DYNC2H1: variants seen among roughly 807,000 people sequenced by gnomAD.
DYNC2H1 encodes the protein dynein cytoplasmic 2 heavy chain 1, also known as cytoplasmic dynein 2 heavy chain 1.
In DYNC2H1, 410 loss-of-function variants were observed where a neutral mutation model predicts 570.0. That is an observed-to-expected ratio of 0.72 (90% CI 0.66 to 0.78). The LOEUF (loss-of-function observed/expected upper bound fraction) is 0.78, where lower values mean the gene tolerates loss of function less well. Among genes scored for constraint, DYNC2H1 ranks in the 30% least tolerant of loss-of-function variants. The pLI is 0.00. For missense variants in DYNC2H1, 4,865 were observed against 5,046.4 expected (o/e 0.96, Z 1.09); for synonymous variants, 1,688 against 1,677.6 (o/e 1.01, Z -0.15).
chr11:103,263,097 G>T (rs1251124222), intron 70 of DYNC2H1, among the ~76,000 whole-genome samples: 1 of 135,788 alleles, frequency 7.4e-6, no homozygotes, highest in Non-Finnish European at 1.6e-5. Context: ...AATGAACAAA[G>T]ATCAAAAAAG....
chr11:103,235,974 A>G (rs971693211), intron 62 of DYNC2H1, among the ~76,000 whole-genome samples, 161 bp downstream of exon 62: 16 of 151,868 alleles, frequency 1.1e-4, no homozygotes, highest in Non-Finnish European at 1.5e-4. Flanking sequence ...GCTACTTTAG[A>G]TTTGCTGAAT....
chr11:103,359,783 G>A (rs1940547138), intron 83 of DYNC2H1, among the ~76,000 whole-genome samples: 1 of 151,360 alleles, frequency 6.6e-6, no homozygotes, highest in South Asian at 2.1e-4. Context: ...TCCTGCCTCA[G>A]CCACCCGAGT....
In DYNC2H1 at chr11:103,280,454, A is replaced by G; in HGVS notation, c.10761+41A>G. The G allele has an allele frequency of 6.7e-7, 1 of 1,486,256 alleles. No individual in the cohort carries two copies. The highest frequency in any genetic ancestry group is 1.2e-5 in the South Asian group (1 of 82,506). 92.1% of individuals were successfully genotyped at this position (1,486,256 alleles called of 1,614,324 possible). ...GGAGAGAAATTTTACAGTAACATAGAAATTTGTTAATGGGTGGATTTATGT... is the reference window on the plus strand; with the variant it reads ...GGAGAGAAATTTTACAGTAACATAGGAATTTGTTAATGGGTGGATTTATGT... On this transcript the variant is annotated intron_variant, in intron 71 of 88. Transcript: ENST00000375735. This position sits in a 1 kb window ranked among gnomAD's most constrained non-coding sequence, Gnocchi z 4.7.
At chr11:103,399,623 G>A (rs1312576205) in intron 83 of DYNC2H1, 40 bp from the exon 84 acceptor site, 3 of 1,421,472 alleles carry the variant, frequency 2.1e-6, no homozygotes, top group South Asian at 2.5e-5. Context: ...TCAGTGATCT[G>A]TGTTACTATT....
chr11:103,345,761 T>C (rs1939710845), intron 82 of DYNC2H1, among the ~76,000 whole-genome samples: 2 of 152,120 alleles, frequency 1.3e-5, no homozygotes, highest in African/African-American at 4.8e-5. Flanking sequence ...TAGATTACTC[T>C]GGCAGAGTAT....
chr11:103,240,531 T>TACAA (rs1216821975), intron 63 of DYNC2H1, among the ~76,000 whole-genome samples: 1 of 152,154 alleles, frequency 6.6e-6, no homozygotes, highest in African/African-American at 2.4e-5. Flanking sequence ...TAATGCAAGC[T>TACAA]ACAACCCTGA....
intron 13 of DYNC2H1, among the ~76,000 whole-genome samples, chr11:103,132,668 G>A (rs1859337846): frequency 6.6e-6 from 1 of 151,988 alleles, no homozygotes; most frequent in Non-Finnish European, 1.5e-5. Flanking sequence ...GTGTGTGTGT[G>A]TGTGTGTGAT....
chr11:103,185,246 ATAT>A lies in DYNC2H1; in HGVS notation c.6633+201_6633+203del, dbSNP rs147416471. ...TTGAGTTATTTTATGATGTTTGATA[ATAT>A]TATTAACATTTTATAAAATAATGTT... is the stretch of plus-strand genomic sequence containing the variant. On this transcript the variant is annotated intron_variant, in intron 41 of 88. Coordinates refer to ENST00000375735, the MANE Select transcript of DYNC2H1 (RefSeq NM_001377.3). This position sits in a 1 kb window ranked among gnomAD's most constrained non-coding sequence, Gnocchi z 4.5. 0.017 allele frequency among the ~76,000 whole-genome samples: 2,544 copies of A among 151,910 alleles called. 31 individuals carry two copies. Among genetic ancestry groups the A allele is most frequent in the Non-Finnish European group, 0.023 (1,591 of 67,846 alleles).
At chr11:103,384,015 T>C (rs1291413512) in intron 83 of DYNC2H1, among the ~76,000 whole-genome samples, 1 of 152,224 alleles carries the variant, frequency 6.6e-6, no homozygotes, top group African/African-American at 2.4e-5. Context: ...TATGGTCTTA[T>C]GACAGTAATC....
intron 75 of DYNC2H1, among the ~76,000 whole-genome samples, chr11:103,295,693 A>G (rs566375169): frequency 1.3e-5 from 2 of 152,356 alleles, no homozygotes; most frequent in South Asian, 2.1e-4. Flanking sequence ...GATAACAACC[A>G]TCTGTGCTGA....
At chr11:103,428,280 G>A (rs1943750190) in intron 84 of DYNC2H1, among the ~76,000 whole-genome samples, 1 of 129,642 alleles carries the variant, frequency 7.7e-6, no homozygotes. Flanking sequence ...AAGTAACACT[G>A]AGCAAATATT....
At chr11:103,361,437 A>G (rs1339418711) in intron 83 of DYNC2H1, among the ~76,000 whole-genome samples, 1 of 152,206 alleles carries the variant, frequency 6.6e-6, no homozygotes, top group Non-Finnish European at 1.5e-5. Context: ...TCTGTTGTTT[A>G]TAAGACACCT....
chr11:103,368,101 A>G (rs1427792101), intron 83 of DYNC2H1, among the ~76,000 whole-genome samples: 3 of 152,126 alleles, frequency 2.0e-5, no homozygotes, highest in Non-Finnish European at 4.4e-5. Flanking sequence ...CTTTTATACT[A>G]ATTTCATTTC....
At chr11:103,139,089 T>C (rs1213099684) in intron 17 of DYNC2H1, among the ~76,000 whole-genome samples, 2 of 151,656 alleles carry the variant, frequency 1.3e-5, no homozygotes, top group Non-Finnish European at 3.0e-5. Context: ...TTGCATCTAT[T>C]TGATTCTTCT....
chr11:103,475,311 A>G (rs1295643982), intron 88 of DYNC2H1, among the ~76,000 whole-genome samples: 1 of 152,168 alleles, frequency 6.6e-6, no homozygotes, highest in Non-Finnish European at 1.5e-5. Flanking sequence ...GCATTAATTG[A>G]ACACAGGGTG....
At chr11:103,469,136 C>T (rs1045366235) in intron 88 of DYNC2H1, among the ~76,000 whole-genome samples, 2 of 152,116 alleles carry the variant, frequency 1.3e-5, no homozygotes, top group African/African-American at 2.4e-5. Context: ...AATGACTTCT[C>T]GTAGTTAGCT....
intron 80 of DYNC2H1, among the ~76,000 whole-genome samples, chr11:103,320,609 G>T (rs554148160): frequency 6.6e-6 from 1 of 152,036 alleles, no homozygotes; most frequent in African/African-American, 2.4e-5. Flanking sequence ...ATTATGTTTT[G>T]GATAGGTTCT....
At chr11:103,362,213 A>C (rs1427366427) in intron 83 of DYNC2H1, among the ~76,000 whole-genome samples, 1 of 152,162 alleles carries the variant, frequency 6.6e-6, no homozygotes, top group Non-Finnish European at 1.5e-5. Context: ...ATGCTGAAAA[A>C]TCGAAGCTCT....
At chr11:103,341,338 T>TAA (rs1290781336) in intron 82 of DYNC2H1, among the ~76,000 whole-genome samples, 1 of 152,230 alleles carries the variant, frequency 6.6e-6, no homozygotes, top group Non-Finnish European at 1.5e-5. Flanking sequence ...CCCCCCCTTT[T>TAA]AAAATTTAAC....
Sources: gnomAD v4.1 joint callset for allele counts (sites outside exome capture counted in the v4.1 genomes callset) on GRCh38, gnomAD v4.1.1 for gene constraint, Gnocchi (gnomAD v3.1) non-coding constraint, MANE v1.5 for transcripts, NCBI Gene and HGNC (gene_info 2026-07-23, HGNC 2026-07-21) for gene names.